RYR3: variants seen among roughly 807,000 people sequenced by gnomAD.
RYR3 encodes brain ryanodine receptor-calcium release channel.
RYR3 carries 207 observed loss-of-function variants against 584.3 expected under a neutral mutation model. That is an observed-to-expected ratio of 0.35 (90% confidence interval 0.32 to 0.40). The LOEUF (loss-of-function observed/expected upper bound fraction) is 0.40, where lower values mean the gene tolerates loss of function less well. RYR3 is among the 10% of genes least tolerant of loss of function. The pLI, the probability that RYR3 is intolerant of heterozygous loss-of-function variation, is 1.00. For missense variants in RYR3, 5,616 were observed against 6,089.2 expected, an observed-to-expected ratio of 0.92 and a Z score of 2.59; for synonymous variants, 2,416 against 2,248.5, an observed-to-expected ratio of 1.07 and a Z score of -2.11.
chr15:33,747,843 G>A (rs185740741), intron 53 of RYR3, among the ~76,000 whole-genome samples: 2 of 152,158 alleles, frequency 1.3e-5, no homozygotes, highest in South Asian at 2.1e-4. Flanking sequence ...TCCCATTCCT[G>A]TTCTTCGTCT....
rs750953556 is a variant in RYR3, at chr15:33,390,757, C to T, written c.51+79661C>T. Among the ~76,000 whole-genome samples, 12 of 152,084 alleles carry T rather than the reference C, an allele frequency of 7.9e-5. No individual in the cohort carries two copies. Among genetic ancestry groups the T allele is most frequent in the Middle Eastern group, 6.3e-3 (2 of 316 alleles). On this transcript the variant is annotated intron_variant, in intron 1 of 103. Coordinates refer to ENST00000634891, the MANE Select transcript of RYR3 (RefSeq NM_001036.6). The surrounding 1 kb of genome is among the most constrained non-coding windows in gnomAD (Gnocchi z 4.2). ...GCTTAGTTCTGGGAATCTAGAAGAG[C>T]GGTACTTGCTAGTCAGAGGGTGCTT...
Position 33,652,815 on chromosome 15 carries a change from C to G in RYR3, c.4240C>G (p.Leu1414Val). ...CAACGTGGACCTGGAGATCGGCTGT[C>G]TCGTGGATCTGGCCATGGGCATGTT... ...RSNVDLEIGC[L>V]VDLAMGMLSF... The change falls in exon 32 of 104, where the codon CTC becomes GTC. Residue 1414 changes from leucine (L) to valine (V), a missense_variant. Leu to Val is a conservative substitution (Grantham distance 32). Around this residue, in one of 9 missense-constraint regions of RYR3, gnomAD observed 753 missense variants for 741.0 expected, o/e 1.02. Transcript: ENST00000634891. 1 of 1,613,926 alleles carries G rather than the reference C, an allele frequency of 6.2e-7. No individual in the cohort carries two copies. Among genetic ancestry groups the G allele is most frequent in the Non-Finnish European group, 8.5e-7 (1 of 1,179,870 alleles).
intron 94 of RYR3, chr15:33,850,673 T>A (rs1175683922): frequency 6.6e-6 from 1 of 152,216 alleles, no homozygotes; most frequent in Non-Finnish European, 1.5e-5. Context: ...ATTTTACTTT[T>A]ATATTGTTAA....
chr15:33,543,988 C>T (rs1360937300), intron 8 of RYR3, among the ~76,000 whole-genome samples: 1 of 152,102 alleles, frequency 6.6e-6, no homozygotes, highest in Non-Finnish European at 1.5e-5. Context: ...AATTATTCAC[C>T]AGGCTCTTCA....
chr15:33,821,445 A>T, intron 79 of RYR3, 76 bp downstream of exon 79: 2 of 1,594,224 alleles, frequency 1.3e-6, no homozygotes, highest in Middle Eastern at 1.7e-4. Flanking sequence ...GCCATTATTA[A>T]AGAGCCCTGC....
At chr15:33,791,771 A>G (rs149266503) in intron 67 of RYR3, among the ~76,000 whole-genome samples, 4 of 152,304 alleles carry the variant, frequency 2.6e-5, no homozygotes, top group Admixed American at 2.6e-4. Flanking sequence ...CTAGGGAGTT[A>G]AGGGTATATG....
At chr15:33,614,186 T>A (rs2152569202) in intron 19 of RYR3, among the ~76,000 whole-genome samples, 1 of 152,354 alleles carries the variant, frequency 6.6e-6, no homozygotes, top group South Asian at 2.1e-4. Context: ...GAAATGAGGC[T>A]GTTTTCAGTC....
intron 2 of RYR3, among the ~76,000 whole-genome samples, chr15:33,486,419 T>A (rs1026555392): frequency 6.6e-6 from 1 of 152,148 alleles, no homozygotes; most frequent in African/African-American, 2.4e-5. Context: ...TGCCTGTACA[T>A]AGCATTTTGT....
intron 27 of RYR3, among the ~76,000 whole-genome samples, chr15:33,643,896 C>G (rs2061963355): frequency 6.6e-6 from 1 of 152,112 alleles, no homozygotes. Context: ...AAAATCTCAC[C>G]AAGTCATTCT....
At chr15:33,740,596 C>T (rs55828732) in intron 51 of RYR3, among the ~76,000 whole-genome samples, 30,083 of 152,146 alleles carry the variant, frequency 0.2, 3,127 homozygotes, top group African/African-American at 0.27. Context: ...GTGCTTATCC[C>T]TTGGGCAAAA....
At chr15:33,685,207 C>T (rs550702746) in intron 38 of RYR3, among the ~76,000 whole-genome samples, 54 of 152,278 alleles carry the variant, frequency 3.5e-4, no homozygotes, top group South Asian at 1.5e-3. Context: ...ACCCATTTCA[C>T]GTGCAGAGAC....
intron 1 of RYR3, among the ~76,000 whole-genome samples, chr15:33,385,739 T>C (rs1326076105): frequency 6.9e-6 from 1 of 145,186 alleles, no homozygotes; most frequent in Non-Finnish European, 1.5e-5. Context: ...GGTCTCACTC[T>C]GTAGCCCAGG....
At chr15:33,825,758 G>A in intron 82 of RYR3, 82 bp downstream of exon 82, 1 of 742,226 alleles carries the variant, frequency 1.3e-6, no homozygotes, top group Non-Finnish European at 2.0e-6. Flanking sequence ...CCCATACAGA[G>A]TTTCGCTCTT....
intron 45 of RYR3, among the ~76,000 whole-genome samples, chr15:33,724,657 C>T (rs1037891615): frequency 2.6e-5 from 4 of 152,162 alleles, no homozygotes; most frequent in Non-Finnish European, 4.4e-5. Flanking sequence ...TATGAGATGT[C>T]TTCTCAGACT....
At chr15:33,585,796 T>C (rs1270588326) in intron 15 of RYR3, among the ~76,000 whole-genome samples, 1 of 152,164 alleles carries the variant, frequency 6.6e-6, no homozygotes, top group African/African-American at 2.4e-5. Flanking sequence ...ACCAGTAAAT[T>C]ACAGACTGGT....
At chr15:33,398,036 T>TA (rs1234062005) in intron 1 of RYR3, among the ~76,000 whole-genome samples, 3 of 152,212 alleles carry the variant, frequency 2.0e-5, no homozygotes, top group Admixed American at 6.5e-5. Flanking sequence ...ATGCCAAATA[T>TA]AAAATCTATG....
chr15:33,705,101 T>TTCTCTC (rs10534581), intron 42 of RYR3, among the ~76,000 whole-genome samples: 3,239 of 142,148 alleles, frequency 0.023, 89 homozygotes, highest in African/African-American at 0.049. Context: ...CACACACTCT[T>TTCTCTC]TCTCTCTCTC....
chr15:33,354,698 A>C (rs1051161097), intron 1 of RYR3, among the ~76,000 whole-genome samples: 3 of 152,230 alleles, frequency 2.0e-5, no homozygotes, highest in African/African-American at 7.2e-5. Context: ...TCTTTATAAA[A>C]TAAGTACATC....
intron 69 of RYR3, among the ~76,000 whole-genome samples, chr15:33,804,255 A>G (rs1464176084): frequency 6.6e-6 from 1 of 152,224 alleles, no homozygotes; most frequent in Non-Finnish European, 1.5e-5. Context: ...GATAGGGTCA[A>G]AATTACAACT....
Sources: gnomAD v4.1 joint callset for allele counts (sites outside exome capture counted in the v4.1 genomes callset) on GRCh38, gnomAD v4.1.1 for gene constraint, gnomAD v4.1.1 regional missense constraint, Gnocchi (gnomAD v3.1) non-coding constraint, MANE v1.5 for transcripts, NCBI Gene and HGNC (gene_info 2026-07-23, HGNC 2026-07-21) for gene names.